Variants in NFIB observed in about 807,000 individuals in gnomAD.
NFIB encodes the protein nuclear factor I B, also known as nuclear factor 1 B-type.
Under a neutral mutation model 61.5 loss-of-function variants are expected in NFIB, and 11 were observed. That is an observed-to-expected ratio of 0.18 (90% CI 0.11 to 0.30). NFIB has a LOEUF of 0.30. Among genes scored for constraint, NFIB ranks in the 10% least tolerant of loss-of-function variants. The pLI, the probability that NFIB is intolerant of heterozygous loss-of-function variation, is 1.00. For synonymous variants in NFIB, 260 were observed against 216.5 expected (o/e 1.20, Z -1.76); for missense variants, 471 against 608.9 (o/e 0.77, Z 2.38).
chr9:14,486,591 T>A, the NFIB span, among the ~76,000 whole-genome samples: 1 of 152,190 alleles, frequency 6.6e-6, no homozygotes, highest in Non-Finnish European at 1.5e-5. Context: ...CTCATTTATC[T>A]TGCTGGCCCT....
At chr9:14,130,738 A>G (rs191120154) in intron 6 of NFIB, among the ~76,000 whole-genome samples, 1 of 152,324 alleles carries the variant, frequency 6.6e-6, no homozygotes, top group Admixed American at 6.5e-5. Context: ...GTGTCTAGGC[A>G]GCTTATTTTA....
rs74953060 is a variant in NFIB, at chr9:14,200,154, T to A, written c.563-20374A>T. ...TTCCTTCTATTTTCTGTGAAACTGT[T>A]CATGCCTTCTTCAAAACTCAAAGCA... On this transcript the variant is annotated intron_variant, in intron 2 of 10. Coordinates refer to ENST00000380953, the MANE Select transcript of NFIB (RefSeq NM_001190737.2). Among the ~76,000 whole-genome samples the A allele has an allele frequency of 1.3e-3, 204 of 152,298 alleles. 1 individual carries two copies. The highest frequency in any genetic ancestry group is 4.5e-3 in the African/African-American group (189 of 41,576).
At chr9:14,185,351 T>C (rs987861212) in intron 2 of NFIB, among the ~76,000 whole-genome samples, 1 of 152,186 alleles carries the variant, frequency 6.6e-6, no homozygotes, top group Non-Finnish European at 1.5e-5. Flanking sequence ...AAGCTAAACA[T>C]CTGCTAAAAC....
chr9:14,459,568 G>C, the NFIB span, among the ~76,000 whole-genome samples: 1 of 152,034 alleles, frequency 6.6e-6, no homozygotes. Context: ...ACTATCATCA[G>C]AGTGAAAAGG....
chr9:14,511,105 TTG>T, the NFIB span, among the ~76,000 whole-genome samples: 1 of 152,174 alleles, frequency 6.6e-6, no homozygotes, highest in South Asian at 2.1e-4. Flanking sequence ...TCCAAAGAGT[TTG>T]TGTTATACTT....
intron 2 of NFIB, among the ~76,000 whole-genome samples, chr9:14,232,215 G>A (rs1296820334): frequency 2.0e-5 from 3 of 152,186 alleles, no homozygotes; most frequent in Admixed American, 1.3e-4. Context: ...TGGTGGGCAA[G>A]TCAATAGTGT....
At chr9:14,182,534 A>C (rs2046891216) in intron 2 of NFIB, among the ~76,000 whole-genome samples, 1 of 152,168 alleles carries the variant, frequency 6.6e-6, no homozygotes, top group Admixed American at 6.6e-5. Context: ...TGGCAGAGAA[A>C]CCAAAAATGA....
chr9:14,350,529 G>C (rs1381573398), intron 1 of NFIB, among the ~76,000 whole-genome samples: 1 of 152,020 alleles, frequency 6.6e-6, no homozygotes, highest in Non-Finnish European at 1.5e-5. Flanking sequence ...GGGGAAGTTG[G>C]GGGTCTTCTA....
At chr9:14,103,238 C>A (rs944122653) in intron 10 of NFIB, among the ~76,000 whole-genome samples, 3 of 151,952 alleles carry the variant, frequency 2.0e-5, no homozygotes, top group African/African-American at 4.8e-5. Context: ...TTCGAGTAAC[C>A]CTATCCAGCT....
chr9:14,253,618 C>T (rs2055894247), intron 2 of NFIB, among the ~76,000 whole-genome samples: 1 of 152,074 alleles, frequency 6.6e-6, no homozygotes, highest in Admixed American at 6.6e-5. Context: ...ATTGCTTAAG[C>T]TCAGGAGTTA....
chr9:14,224,473 C>T (rs2052106544), intron 2 of NFIB, among the ~76,000 whole-genome samples: 1 of 152,210 alleles, frequency 6.6e-6, no homozygotes, highest in Non-Finnish European at 1.5e-5. Context: ...TACACATGGG[C>T]TCCGCATACA....
At chr9:14,173,666 C>T (rs923587405) in intron 3 of NFIB, among the ~76,000 whole-genome samples, 5 of 152,088 alleles carry the variant, frequency 3.3e-5, no homozygotes, top group African/African-American at 9.7e-5. Context: ...GTATTTTACA[C>T]AAGGGCAAAT....
chr9:14,229,863 G>A (rs542633194), intron 2 of NFIB, among the ~76,000 whole-genome samples: 17 of 152,220 alleles, frequency 1.1e-4, no homozygotes, highest in East Asian at 3.9e-4. Context: ...ATGCAATGGC[G>A]CGATCTCGGC....
chr9:14,481,777 C>A, the NFIB span, among the ~76,000 whole-genome samples: 1 of 152,108 alleles, frequency 6.6e-6, no homozygotes, highest in East Asian at 1.9e-4. Context: ...GAACCTGAGA[C>A]CTGTAAGGCC....
At chr9:14,271,193 C>G (rs1474666699) in intron 2 of NFIB, among the ~76,000 whole-genome samples, 2 of 140,826 alleles carry the variant, frequency 1.4e-5, no homozygotes, top group Non-Finnish European at 3.1e-5. Flanking sequence ...CCTCTACTCT[C>G]TTACTTCTCC....
intron 6 of NFIB, among the ~76,000 whole-genome samples, chr9:14,129,144 T>C (rs1320963465): frequency 6.6e-6 from 1 of 152,116 alleles, no homozygotes; most frequent in Non-Finnish European, 1.5e-5. Context: ...ACAAACTCTT[T>C]CCTTAAACAA....
intron 1 of NFIB, among the ~76,000 whole-genome samples, chr9:14,343,345 G>C (rs941525736): frequency 6.6e-6 from 1 of 152,156 alleles, no homozygotes; most frequent in African/African-American, 2.4e-5. Flanking sequence ...GGGCTGGGGC[G>C]GGGGAGAGTG....
Position 14,313,670 on chromosome 9 carries a change from C to G in NFIB, c.-159G>C. 6 of 1,463,972 alleles carry G rather than the reference C, an allele frequency of 4.1e-6. No homozygotes were observed. The highest frequency in any genetic ancestry group is 5.4e-6 in the Non-Finnish European group (6 of 1,108,258). The allele number at this position is 1,463,972 out of a possible 1,614,324, so 90.7% of individuals were successfully genotyped here. A position where few individuals can be genotyped will look rare whatever the true frequency, so the allele number is the denominator to read the frequency against. ...CCGCAACTTCACAACAAACCCAGTC[C>G]TCCTTAAATAGCCAAAGATTCAAGT... is the stretch of plus-strand genomic sequence containing the variant. On this transcript the variant is annotated 5_prime_UTR_variant, in exon 1 of 11. Coordinates refer to ENST00000380953, the MANE Select transcript of NFIB (RefSeq NM_001190737.2). The surrounding 1 kb of genome is among the most constrained non-coding windows in gnomAD (Gnocchi z 4.5).
At position 14,295,445 on chromosome 9, in the gene NFIB, T is replaced by C. The variant is rs548158145; in HGVS notation, c.562+11544A>G. On this transcript the variant is annotated intron_variant, in intron 2 of 10. Coordinates refer to ENST00000380953, the MANE Select transcript of NFIB (RefSeq NM_001190737.2). ...ATGGAGATCATCCTGGCTAACACTGTGAAACCCCGTCTCTACTAAACATAC... is the reference window on the plus strand; with the variant it reads ...ATGGAGATCATCCTGGCTAACACTGCGAAACCCCGTCTCTACTAAACATAC... 6.6e-5 allele frequency among the ~76,000 whole-genome samples: 10 copies of C among 151,730 alleles called. No individual in the cohort carries two copies. The South Asian group carries it at 2.1e-3, about 32-fold the overall frequency.
Sources: gnomAD v4.1 joint callset for allele counts (sites outside exome capture counted in the v4.1 genomes callset) on GRCh38, gnomAD v4.1.1 for gene constraint, Gnocchi (gnomAD v3.1) non-coding constraint, MANE v1.5 for transcripts, NCBI Gene and HGNC (gene_info 2026-07-23, HGNC 2026-07-21) for gene names.